RANBP2: variants seen among roughly 807,000 people sequenced by gnomAD.
RANBP2 encodes E3 SUMO-protein ligase RanBP2.
A neutral mutation model predicts 303.6 loss-of-function variants in RANBP2; 57 were observed. That is an observed-to-expected ratio of 0.19 (90% CI 0.15 to 0.23). RANBP2 has a LOEUF of 0.23. Ranked by LOEUF, RANBP2 falls within the 10% of genes least tolerant of loss-of-function variation. The pLI is 1.00. For missense variants in RANBP2, 3,138 were observed against 3,780.8 expected, an observed-to-expected ratio of 0.83 and a Z score of 4.46; for synonymous variants, 1,167 against 1,301.5, an observed-to-expected ratio of 0.90 and a Z score of 2.23.
chr2:109,208,432 G>A, the RANBP2 span, among the ~76,000 whole-genome samples: 1 of 152,182 alleles, frequency 6.6e-6, no homozygotes, highest in African/African-American at 2.4e-5. Flanking sequence ...CTGTCTAGGA[G>A]CCCAGCCATC....
chr2:109,391,929 C>T, the RANBP2 span, among the ~76,000 whole-genome samples: 2 of 152,058 alleles, frequency 1.3e-5, no homozygotes, highest in Non-Finnish European at 2.9e-5. Context: ...GCGATCCTCC[C>T]ACCTCAGCCT....
chr2:109,419,301 C>G, the RANBP2 span, among the ~76,000 whole-genome samples: 2 of 152,144 alleles, frequency 1.3e-5, no homozygotes, highest in Admixed American at 1.3e-4. Context: ...TAGATGCAGG[C>G]CGTAGAAGGC....
chr2:109,596,161 AGCTGG>A, the RANBP2 span, among the ~76,000 whole-genome samples: 1 of 152,296 alleles, frequency 6.6e-6, no homozygotes, highest in South Asian at 2.1e-4. Context: ...TTTCCGAAAC[AGCTGG>A]GCCTACAGGC....
intron 1 of RANBP2, among the ~76,000 whole-genome samples, chr2:108,724,609 T>A (rs1694541395): frequency 6.6e-6 from 1 of 152,134 alleles, no homozygotes; most frequent in Non-Finnish European, 1.5e-5. Flanking sequence ...TTCTGTAGCA[T>A]TTCTTGTATT....
At chr2:109,020,649 G>A in the RANBP2 span, among the ~76,000 whole-genome samples, 4 of 152,198 alleles carry the variant, frequency 2.6e-5, no homozygotes, top group African/African-American at 9.6e-5. Context: ...GGTAGATGGA[G>A]GTGTGACAAC....
At chr2:109,457,761 C>T in the RANBP2 span, among the ~76,000 whole-genome samples, 8,843 of 152,150 alleles carry the variant, frequency 0.058, 798 homozygotes, top group African/African-American at 0.19. Flanking sequence ...TTTTTCCAGC[C>T]GTCCATGCCC....
rs200438979 is a variant in RANBP2, at chr2:108,768,344, C to T, written c.7805C>T (p.Thr2602Met). Residue 2602 changes from threonine to methionine, a missense_variant, in exon 20 of 29, where the codon ACG becomes ATG. Transcript: ENST00000283195. ...AAAAATCTCTTTGCTTCCTTTCCAA[C>T]GGAAGAATCTTCAATCAACTACACA... is the stretch of plus-strand genomic sequence containing the variant. ...KVKNLFASFP[T>M]EESSINYTFK... The T allele has an allele frequency of 4.4e-4, 703 of 1,610,048 alleles. 2 individuals carry two copies. Among genetic ancestry groups the T allele is most frequent in the Middle Eastern group, 3.6e-3 (16 of 4,426 alleles).
At chr2:108,940,429 T>A in the RANBP2 span, 1 of 152,420 alleles carries the variant, frequency 6.6e-6, no homozygotes, top group Non-Finnish European at 1.5e-5. Flanking sequence ...TCTGCAGCCC[T>A]TGCCTCCCAC....
chr2:109,333,417 CAAAAT>C, the RANBP2 span, among the ~76,000 whole-genome samples: 1 of 152,172 alleles, frequency 6.6e-6, no homozygotes, highest in Non-Finnish European at 1.5e-5. Context: ...TTTAAAAACA[CAAAAT>C]AAAACAAGCC....
chr2:109,400,347 C>G, the RANBP2 span, among the ~76,000 whole-genome samples: 1 of 152,118 alleles, frequency 6.6e-6, no homozygotes, highest in African/African-American at 2.4e-5. Flanking sequence ...CACATGTGCA[C>G]TTACATACAC....
the RANBP2 span, among the ~76,000 whole-genome samples, chr2:109,534,403 A>C: frequency 2.0e-5 from 3 of 152,176 alleles, no homozygotes; most frequent in South Asian, 6.2e-4. Flanking sequence ...GCAATCTGAA[A>C]ATTACAAAAC....
chr2:108,781,301 G>A lies in RANBP2; in HGVS notation c.8632G>A (p.Ala2878Thr). ...KNFQWANTGAAVFGTQSVGTQ... is the reference protein window; with the variant it reads ...KNFQWANTGATVFGTQSVGTQ... ...TTTCCAATGGGCAAATACTGGAGCA[G>A]CTGTGTTTGGAACACAGTCAGTCGG... is the stretch of plus-strand genomic sequence containing the variant. The change falls in exon 26 of 29, where the codon GCT becomes ACT. Residue 2878 changes from alanine (A) to threonine (T), a missense_variant. Ala to Thr is a moderately conservative substitution (Grantham distance 58). This residue lies in a region of RANBP2 where 497 missense variants were observed against 465.8 expected (regional missense o/e 1.07). Coordinates refer to ENST00000283195, the MANE Select transcript of RANBP2 (RefSeq NM_006267.5). The A allele has an allele frequency of 1.2e-6, 2 of 1,614,144 alleles. No individual in the cohort carries two copies. The highest frequency in any genetic ancestry group is 8.5e-7 in the Non-Finnish European group (1 of 1,180,024).
the RANBP2 span, among the ~76,000 whole-genome samples, chr2:109,630,608 C>T: frequency 6.6e-6 from 1 of 152,186 alleles, no homozygotes; most frequent in Non-Finnish European, 1.5e-5. Context: ...TGCCTCCTTT[C>T]TCTAGGACCG....
At chr2:109,431,455 C>G in the RANBP2 span, among the ~76,000 whole-genome samples, 13 of 152,340 alleles carry the variant, frequency 8.5e-5, no homozygotes, top group African/African-American at 2.4e-4. Context: ...ATTATCCAAT[C>G]TTTACAAGGA....
At chr2:109,552,781 G>T in the RANBP2 span, 2 of 258,172 alleles carry the variant, frequency 7.7e-6, no homozygotes, top group Non-Finnish European at 7.3e-6. Context: ...TTCAAGGCAT[G>T]GATTTCATGA....
the RANBP2 span, among the ~76,000 whole-genome samples, chr2:109,241,400 G>A: frequency 6.6e-6 from 1 of 152,198 alleles, no homozygotes; most frequent in African/African-American, 2.4e-5. Flanking sequence ...AGGGCCATAT[G>A]GGTATAGATG....
rs1389272516 is a variant in RANBP2, at chr2:108,719,633, G to A, written c.27G>A (p.Glu9=). ...TGAGGCGCAGCAAGGCTGACGTGGA[G>A]CGGTACATCGCCTCGGTGCAGGGCT... The part of the protein sequence containing the change: MRRSKADV[E]RYIASVQGST... Residue 9 remains glutamate, a synonymous_variant, in exon 1 of 29, where the codon GAG becomes GAA. Coordinates refer to ENST00000283195, the MANE Select transcript of RANBP2 (RefSeq NM_006267.5). 2 of 1,608,060 alleles carry A rather than the reference G, an allele frequency of 1.2e-6. No homozygotes were observed. The highest frequency in any genetic ancestry group is 2.2e-5 in the East Asian group (1 of 44,786).
At chr2:108,941,492 G>A in the RANBP2 span, among the ~76,000 whole-genome samples, 1 of 152,264 alleles carries the variant, frequency 6.6e-6, no homozygotes, top group South Asian at 2.1e-4. Context: ...CCCTTTGAGG[G>A]GCTTCCTGGC....
At chr2:109,630,802 A>G in the RANBP2 span, among the ~76,000 whole-genome samples, 1 of 152,224 alleles carries the variant, frequency 6.6e-6, no homozygotes, top group Non-Finnish European at 1.5e-5. Context: ...GCGGTGGCTC[A>G]TGCCTGTAAT....
Sources: allele counts gnomAD v4.1 joint callset (sites outside exome capture counted in the v4.1 genomes callset), GRCh38; gene constraint gnomAD v4.1.1; regional missense constraint gnomAD v4.1.1; transcripts MANE v1.5; gene names NCBI Gene and HGNC (gene_info 2026-07-23, HGNC 2026-07-21).